CNBD1: variants seen among roughly 807,000 people sequenced by gnomAD.
CNBD1 encodes the protein cyclic nucleotide-binding domain-containing protein 1.
In CNBD1, 71 loss-of-function variants were observed where a neutral mutation model predicts 54.4. That is an observed-to-expected ratio of 1.30 (90% CI 1.08 to 1.59). CNBD1 has a LOEUF of 1.59. Ranked by LOEUF, CNBD1 falls within the 40% of genes most tolerant of loss-of-function variation. CNBD1 has a pLI of 0.00. For missense variants in CNBD1, 659 were observed against 518.0 expected (o/e 1.27, Z -2.64); for synonymous variants, 182 against 170.7 (o/e 1.07, Z -0.51).
At chr8:87,184,768 G>T (rs1299349099) in intron 4 of CNBD1, among the ~76,000 whole-genome samples, 1 of 152,034 alleles carries the variant, frequency 6.6e-6, no homozygotes, top group Non-Finnish European at 1.5e-5. Context: ...GCTTTCTGAA[G>T]ATCTATTCAG....
chr8:87,161,595 T>C (rs184359637), intron 4 of CNBD1, among the ~76,000 whole-genome samples: 1 of 152,238 alleles, frequency 6.6e-6, no homozygotes, highest in African/African-American at 2.4e-5. Context: ...TCTAAAGTTT[T>C]AAAAATAGGA....
At position 87,388,283 on chromosome 8, in the gene CNBD1, A is replaced by G. The variant is rs1811233869; in HGVS notation, c.213+34497A>G. ...CAGAACTGAAGGAATTAGAGACACA[A>G]AAAACCCTTCAAAAAATCAATGAAT... is the stretch of plus-strand genomic sequence containing the variant. On this transcript the variant is annotated intron_variant, in intron 2 of 7. Coordinates refer to the CNBD1 transcript ENST00000521593. Among the ~76,000 whole-genome samples, 4 of 152,318 alleles carry G rather than the reference A, an allele frequency of 2.6e-5. No individual in the cohort carries two copies. In the South Asian group the frequency reaches 8.3e-4, roughly 32 times the overall value.
intron 6 of CNBD1, among the ~76,000 whole-genome samples, chr8:87,241,268 A>ATTTTTTTTTTTTTTTTTTTTTTTTTTTTT (rs34829455): frequency 1.1e-5 from 1 of 93,864 alleles, no homozygotes; most frequent in African/African-American, 4.9e-5. Context: ...TATTTGGAAG[A>ATTTTTTTTTTTTTTTTTTTTTTTTTTTTT]TTTTTTTTTT....
At chr8:87,297,624 G>T (rs1430805515) in intron 8 of CNBD1, among the ~76,000 whole-genome samples, 1 of 151,986 alleles carries the variant, frequency 6.6e-6, no homozygotes, top group Non-Finnish European at 1.5e-5. Flanking sequence ...ATAAAGGTTT[G>T]TTTTTCTTAT....
chr8:87,242,536 A>G (rs2130831300), intron 6 of CNBD1, among the ~76,000 whole-genome samples: 1 of 152,270 alleles, frequency 6.6e-6, no homozygotes, highest in South Asian at 2.1e-4. Flanking sequence ...CTTTCAACTA[A>G]TTGCCACTCA....
At chr8:86,978,166 G>A (rs955716198) in intron 4 of CNBD1, among the ~76,000 whole-genome samples, 4 of 151,878 alleles carry the variant, frequency 2.6e-5, no homozygotes, top group Non-Finnish European at 5.9e-5. Context: ...TCACTTATGT[G>A]CTTTTTCTTA....
At chr8:87,329,245 G>T (rs1809759999) in intron 8 of CNBD1, among the ~76,000 whole-genome samples, 1 of 151,982 alleles carries the variant, frequency 6.6e-6, no homozygotes, top group Non-Finnish European at 1.5e-5. Context: ...GTTCATTTCT[G>T]GGCTTACATT....
At chr8:87,423,725 G>A (rs1028723883) in intron 2 of CNBD1, among the ~76,000 whole-genome samples, 5 of 151,250 alleles carry the variant, frequency 3.3e-5, no homozygotes, top group Admixed American at 6.6e-5. Context: ...AAGGATATTG[G>A]TCTAAAATTC....
chr8:86,919,923 C>T (rs1809244564), intron 3 of CNBD1, among the ~76,000 whole-genome samples: 1 of 151,958 alleles, frequency 6.6e-6, no homozygotes, highest in South Asian at 2.1e-4. Flanking sequence ...TAACAAGCTA[C>T]CAGCTGATCC....
intron 4 of CNBD1, among the ~76,000 whole-genome samples, chr8:86,942,218 C>T (rs1297989397): frequency 1.3e-5 from 2 of 152,204 alleles, no homozygotes; most frequent in Non-Finnish European, 2.9e-5. Context: ...AATCCACAAT[C>T]TATGTTTGTT....
At chr8:87,117,307 G>A (rs538253687) in intron 4 of CNBD1, among the ~76,000 whole-genome samples, 5 of 150,322 alleles carry the variant, frequency 3.3e-5, no homozygotes, top group Non-Finnish European at 5.9e-5. Context: ...GCTGAGGGAC[G>A]AGAATTGCTT....
rs544044583 is a variant in CNBD1, at chr8:87,322,240, T to C, written c.1043-29445T>C. Among the ~76,000 whole-genome samples the C allele has an allele frequency of 3.2e-5, 4 of 123,706 alleles. 1 individual carries two copies. The East Asian group carries it at 8.2e-4, about 25-fold the overall frequency. The allele number at this position is 123,706 out of a possible 152,430, so 81.2% of individuals were successfully genotyped here. A position where few individuals can be genotyped will look rare whatever the true frequency, so the allele number is the denominator to read the frequency against. Reference sequence around the variant, plus strand: ...TGGGTTGTTTCCAAGTCTTTGCTATTGTGAATAATGCCGCAATAAACATAC... The same window carrying C: ...TGGGTTGTTTCCAAGTCTTTGCTATCGTGAATAATGCCGCAATAAACATAC... On this transcript the variant is annotated intron_variant, in intron 8 of 10. Transcript: ENST00000518476.
At chr8:87,293,770 G>C (rs149858339) in intron 8 of CNBD1, among the ~76,000 whole-genome samples, 1 of 152,158 alleles carries the variant, frequency 6.6e-6, no homozygotes, top group African/African-American at 2.4e-5. Context: ...AACACACACA[G>C]TGGAAACTGA....
chr8:87,271,538 G>A (rs1426004488), intron 6 of CNBD1, among the ~76,000 whole-genome samples: 4 of 151,782 alleles, frequency 2.6e-5, no homozygotes, highest in Non-Finnish European at 5.9e-5. Flanking sequence ...TTTAACTTCT[G>A]TGGGTTTGTG....
intron 4 of CNBD1, among the ~76,000 whole-genome samples, chr8:87,063,659 G>A (rs1234332151): frequency 6.6e-6 from 1 of 151,798 alleles, no homozygotes; most frequent in Non-Finnish European, 1.5e-5. Flanking sequence ...GGAATATTTG[G>A]GATTTTAATC....
At chr8:87,025,365 G>T (rs908483635) in intron 4 of CNBD1, among the ~76,000 whole-genome samples, 1 of 152,168 alleles carries the variant, frequency 6.6e-6, no homozygotes, top group African/African-American at 2.4e-5. Context: ...AAATCTTGCT[G>T]CTGCTCACTC....
chr8:86,925,060 T>C (rs1282667780), intron 3 of CNBD1, among the ~76,000 whole-genome samples: 1 of 152,196 alleles, frequency 6.6e-6, no homozygotes, highest in Non-Finnish European at 1.5e-5. Flanking sequence ...AAATATTCTT[T>C]CTTATATTAT....
At chr8:87,215,883 C>G (rs1814199100) in intron 5 of CNBD1, among the ~76,000 whole-genome samples, 1 of 152,160 alleles carries the variant, frequency 6.6e-6, no homozygotes, top group South Asian at 2.1e-4. Context: ...GCCCATTAAG[C>G]AATCACTCAC....
chr8:87,271,335 T>C (rs1808358878), intron 6 of CNBD1, among the ~76,000 whole-genome samples: 1 of 151,922 alleles, frequency 6.6e-6, no homozygotes, highest in African/African-American at 2.4e-5. Context: ...ATGTGCATCA[T>C]TATGTTCTTT....
Sources: allele counts gnomAD v4.1 joint callset (sites outside exome capture counted in the v4.1 genomes callset), GRCh38; gene constraint gnomAD v4.1.1; transcripts MANE v1.5; gene names NCBI Gene and HGNC (gene_info 2026-07-23, HGNC 2026-07-21).